TANC1: variants seen among roughly 807,000 people sequenced by gnomAD.
The protein encoded by TANC1 is protein TANC1.
TANC1 carries 77 observed loss-of-function variants against 149.7 expected under a neutral mutation model. That is an observed-to-expected ratio of 0.51 (90% CI 0.43 to 0.62). The LOEUF (loss-of-function observed/expected upper bound fraction) is 0.62, where lower values mean the gene tolerates loss of function less well. Among genes scored for constraint, TANC1 ranks in the 20% least tolerant of loss-of-function variants. TANC1 has a pLI of 0.00. For synonymous variants in TANC1, 854 were observed against 925.0 expected (o/e 0.92, Z 1.39); for missense variants, 1,985 against 2,321.8 (o/e 0.85, Z 2.98).
chr2:159,106,019 G>A (rs964967676), intron 4 of TANC1, among the ~76,000 whole-genome samples: 3 of 151,426 alleles, frequency 2.0e-5, no homozygotes, highest in Admixed American at 1.3e-4. Flanking sequence ...TTAGGTTACA[G>A]TGTTTTATGA....
At chr2:159,091,218 G>A (rs527375363) in intron 3 of TANC1, among the ~76,000 whole-genome samples, 1 of 152,296 alleles carries the variant, frequency 6.6e-6, no homozygotes, top group East Asian at 1.9e-4. Flanking sequence ...TTCAGACTCA[G>A]CTCTGATATA....
intron 4 of TANC1, among the ~76,000 whole-genome samples, chr2:159,111,270 A>G (rs2047689451): frequency 6.6e-6 from 1 of 152,230 alleles, no homozygotes; most frequent in Non-Finnish European, 1.5e-5. Context: ...AAATGCTGCA[A>G]GGTGGTCCAG....
intron 2 of TANC1, among the ~76,000 whole-genome samples, chr2:159,044,080 A>G (rs138943450): frequency 6.6e-6 from 1 of 152,162 alleles, no homozygotes; most frequent in Non-Finnish European, 1.5e-5. Flanking sequence ...AACTTGGGGA[A>G]ACTTGCTAAC....
chr2:159,147,602 G>C (rs772106938), intron 5 of TANC1: 15 of 152,494 alleles, frequency 9.8e-5, no homozygotes, highest in Admixed American at 7.2e-4. Context: ...AGGTCGACCC[G>C]CCCTGGGGTG....
chr2:159,196,914 T>C (rs939858037), intron 18 of TANC1, 121 bp downstream of exon 18: 5 of 913,362 alleles, frequency 5.5e-6, no homozygotes, highest in Non-Finnish European at 8.1e-6. Flanking sequence ...GTTGACCACC[T>C]GCAGTAGAAG....
At chr2:159,174,757 A>C (rs1575095992) in intron 11 of TANC1, among the ~76,000 whole-genome samples, 196 bp from the exon 12 acceptor site, 1 of 152,358 alleles carries the variant, frequency 6.6e-6, no homozygotes, top group Admixed American at 6.5e-5. Flanking sequence ...TTGTGGATGC[A>C]GTTAAAGGTC....
At chr2:159,012,342 A>G (rs1187724085) in intron 2 of TANC1, among the ~76,000 whole-genome samples, 2 of 152,208 alleles carry the variant, frequency 1.3e-5, no homozygotes, top group Non-Finnish European at 2.9e-5. Flanking sequence ...TCCGTGCTCT[A>G]AGAAAGTCCC....
intron 3 of TANC1, among the ~76,000 whole-genome samples, chr2:159,082,269 G>T (rs1183498840): frequency 6.6e-6 from 1 of 152,132 alleles, no homozygotes; most frequent in African/African-American, 2.4e-5. Context: ...TGCTGGTGTA[G>T]CGGGCAGCTG....
chr2:158,992,810 G>A (rs533353487), intron 1 of TANC1, among the ~76,000 whole-genome samples: 96 of 151,518 alleles, frequency 6.3e-4, no homozygotes, highest in African/African-American at 2.3e-3. Context: ...ATGAGCCACC[G>A]CTCCCGGACT....
Position 159,194,474 on chromosome 2 carries a change from T to C in TANC1, c.2960T>C (p.Leu987Pro). Residue 987 changes from leucine to proline, a missense_variant, in exon 17 of 27, where the codon CTG becomes CCG. Transcript: ENST00000263635. ...GGCCACATGAAGCTGGTGTGTCTGC[T>C]GACCAAGAAGGGAGTGAGAGTAAGC... ...AAGHMKLVCL[L>P]TKKGVRVDHL... The C allele has an allele frequency of 6.2e-7, 1 of 1,614,194 alleles. No individual in the cohort carries two copies. Among genetic ancestry groups the C allele is most frequent in the Non-Finnish European group, 8.5e-7 (1 of 1,179,992 alleles).
chr2:159,187,353 C>T (rs1310171004), intron 16 of TANC1, among the ~76,000 whole-genome samples: 12 of 152,150 alleles, frequency 7.9e-5, no homozygotes. Context: ...TTTTAAGTGT[C>T]CTGCGTTACT....
chr2:159,201,259 G>C (rs1013586959), intron 19 of TANC1, among the ~76,000 whole-genome samples: 1 of 152,182 alleles, frequency 6.6e-6, no homozygotes, highest in South Asian at 2.1e-4. Flanking sequence ...TCAGCTGAGA[G>C]AACATCTGCA....
intron 8 of TANC1, among the ~76,000 whole-genome samples, chr2:159,165,979 C>G (rs2054565009): frequency 6.6e-6 from 1 of 152,108 alleles, no homozygotes; most frequent in Admixed American, 6.5e-5. Flanking sequence ...TATTTTTTGA[C>G]AAAGATTATA....
intron 4 of TANC1, among the ~76,000 whole-genome samples, chr2:159,098,330 T>C (rs998409400): frequency 6.6e-6 from 1 of 152,214 alleles, no homozygotes; most frequent in African/African-American, 2.4e-5. Context: ...CTAGGAGCAA[T>C]AGGCTATGCC....
At chr2:159,228,136 G>A (rs1258939064) in intron 25 of TANC1, 171 bp downstream of exon 25, 2 of 711,344 alleles carry the variant, frequency 2.8e-6, no homozygotes, top group Admixed American at 2.9e-5. Context: ...CTATCGTTTG[G>A]TCACGGCTGC....
chr2:159,140,809 G>A (rs2051286051), intron 5 of TANC1, among the ~76,000 whole-genome samples: 1 of 149,554 alleles, frequency 6.7e-6, no homozygotes, highest in East Asian at 2.0e-4. Context: ...TTTTGCCTCA[G>A]CCTCCCGAGT....
intron 2 of TANC1, among the ~76,000 whole-genome samples, chr2:159,062,287 G>A (rs1344623238): frequency 1.3e-5 from 2 of 152,034 alleles, no homozygotes; most frequent in African/African-American, 4.8e-5. Context: ...TACACATATA[G>A]TAAAAAAGAA....
chr2:159,190,322 T>C (rs890661757), intron 16 of TANC1, among the ~76,000 whole-genome samples: 48 of 152,132 alleles, frequency 3.2e-4, no homozygotes, highest in African/African-American at 1.2e-3. Flanking sequence ...CTGGCAAAAT[T>C]ATCCAGGGAA....
Position 159,219,680 on chromosome 2 carries a change from C to T in TANC1, c.3503-12C>T, listed in dbSNP as rs1429958195. ...ATAATGTTCATGTTCTGTGAATGGG[C>T]TTTCCTTTCAGGTGCAGCCCTTTCT... On this transcript the variant is annotated splice_polypyrimidine_tract_variant and intron_variant, in intron 21 of 26. Coordinates refer to ENST00000263635, the MANE Select transcript of TANC1 (RefSeq NM_033394.3). 1 of 1,614,168 alleles carries T rather than the reference C, an allele frequency of 6.2e-7. No homozygotes were observed. Among genetic ancestry groups the T allele is most frequent in the Admixed American group, 1.7e-5 (1 of 60,020 alleles).
Sources: allele counts gnomAD v4.1 joint callset (sites outside exome capture counted in the v4.1 genomes callset), GRCh38; gene constraint gnomAD v4.1.1; transcripts MANE v1.5; gene names NCBI Gene and HGNC (gene_info 2026-07-23, HGNC 2026-07-21).